Variants in SYCP1 observed in about 807,000 individuals in gnomAD.
SYCP1 encodes cancer/testis antigen 8.
In SYCP1, 64 loss-of-function variants were observed where a neutral mutation model predicts 153.1. The observed-to-expected ratio is 0.42, with a 90% CI of 0.34 to 0.51. The LOEUF is 0.51. SYCP1 is among the 20% of genes least tolerant of loss of function. The pLI is 0.06. For synonymous variants in SYCP1, 384 were observed against 341.8 expected, an observed-to-expected ratio of 1.12 and a Z score of -1.36; for missense variants, 997 against 1,049.0, an observed-to-expected ratio of 0.95 and a Z score of 0.68.
intron 23 of SYCP1, among the ~76,000 whole-genome samples, chr1:114,932,092 T>C (rs1669670531): frequency 6.6e-6 from 1 of 152,188 alleles, no homozygotes; most frequent in South Asian, 2.1e-4. Flanking sequence ...CATACAATCT[T>C]GAACTCTGAA....
intron 14 of SYCP1, among the ~76,000 whole-genome samples, chr1:114,886,562 A>T (rs1230253236): frequency 1.3e-5 from 2 of 152,116 alleles, no homozygotes; most frequent in African/African-American, 4.8e-5. Flanking sequence ...ATTTAGTTAT[A>T]TACATAAACT....
intron 30 of SYCP1, among the ~76,000 whole-genome samples, 169 bp from the exon 31 acceptor site, chr1:114,994,529 T>C (rs1433786087): frequency 6.6e-6 from 1 of 151,472 alleles, no homozygotes. Context: ...GTCTTCTTTC[T>C]TCTCTCTATA....
chr1:114,865,173 T>C (rs1320892225), intron 8 of SYCP1, among the ~76,000 whole-genome samples: 3 of 152,156 alleles, frequency 2.0e-5, no homozygotes, highest in Admixed American at 6.5e-5. Flanking sequence ...TAAACATAGT[T>C]GTATCCAATA....
At chr1:114,876,873 T>C in intron 11 of SYCP1, 63 bp downstream of exon 11, 1 of 944,308 alleles carries the variant, frequency 1.1e-6, no homozygotes, top group Non-Finnish European at 1.4e-6. Context: ...AACTTAAAAT[T>C]TCAAAAGAAG....
Position 114,923,496 on chromosome 1 carries a change from A to G in SYCP1, c.1766A>G (p.Glu589Gly). The change falls in exon 21 of 32, where the codon GAA (glutamate) becomes GGA (glycine). Residue 589 changes from glutamate to glycine, a missense_variant. By Grantham distance (98) the Glu-to-Gly change is moderately conservative. Transcript: ENST00000369522. ...VREELKQKRD[E>G]VKCKLDKSEE... Reference sequence around the variant, plus strand: ...GAAGAGCTAAAACAGAAAAGAGATGAAGTTAAATGTAAATTGGACAAGAGT... The same window carrying G: ...GAAGAGCTAAAACAGAAAAGAGATGGAGTTAAATGTAAATTGGACAAGAGT... 6 of 1,592,534 alleles carry G rather than the reference A, an allele frequency of 3.8e-6. No individual in the cohort carries two copies. The highest frequency in any genetic ancestry group is 5.1e-6 in the Non-Finnish European group (6 of 1,166,542).
At chr1:114,896,985 A>G (rs939621791) in intron 16 of SYCP1, among the ~76,000 whole-genome samples, 2 of 152,182 alleles carry the variant, frequency 1.3e-5, no homozygotes, top group Non-Finnish European at 2.9e-5. Context: ...CAGTTACCAC[A>G]CAGGAATAGG....
intron 15 of SYCP1, among the ~76,000 whole-genome samples, chr1:114,893,287 C>T (rs888508863): frequency 1.3e-5 from 2 of 152,060 alleles, no homozygotes; most frequent in Non-Finnish European, 2.9e-5. Context: ...CTATCTTTAT[C>T]TGTATCTCCA....
At chr1:114,990,079 G>A (rs1464320539) in intron 30 of SYCP1, among the ~76,000 whole-genome samples, 3 of 151,850 alleles carry the variant, frequency 2.0e-5, no homozygotes, top group Admixed American at 1.3e-4. Flanking sequence ...ACATTCCCCA[G>A]GATAGATCAT....
chr1:114,986,106 G>A (rs1346403381), intron 30 of SYCP1, among the ~76,000 whole-genome samples: 1 of 151,868 alleles, frequency 6.6e-6, no homozygotes, highest in Admixed American at 6.6e-5. Flanking sequence ...ACAGATTTTG[G>A]CATGCATGGA....
chr1:114,944,174 A>G (rs1229402974), intron 23 of SYCP1, among the ~76,000 whole-genome samples, 165 bp from the exon 24 acceptor site: 1 of 151,846 alleles, frequency 6.6e-6, no homozygotes, highest in East Asian at 1.9e-4. Flanking sequence ...GATTTTTTGA[A>G]AACAAAACAC....
chr1:114,966,967 G>A (rs1672169245), intron 27 of SYCP1, among the ~76,000 whole-genome samples: 1 of 152,122 alleles, frequency 6.6e-6, no homozygotes, highest in African/African-American at 2.4e-5. Context: ...TTACAGGCGT[G>A]AGCCACTGCA....
At chr1:114,937,136 T>G (rs1380606985) in intron 23 of SYCP1, among the ~76,000 whole-genome samples, 1 of 152,188 alleles carries the variant, frequency 6.6e-6, no homozygotes. Context: ...GCTACCTGAC[T>G]TCAAACTATA....
chr1:114,872,822 T>A (rs1254765526), intron 8 of SYCP1, among the ~76,000 whole-genome samples: 1 of 152,124 alleles, frequency 6.6e-6, no homozygotes, highest in African/African-American at 2.4e-5. Flanking sequence ...CCTCATTTCT[T>A]CGTTTTATTT....
chr1:114,988,265 T>A (rs548647115), intron 30 of SYCP1, among the ~76,000 whole-genome samples: 1 of 151,642 alleles, frequency 6.6e-6, no homozygotes, highest in South Asian at 2.1e-4. Flanking sequence ...AAGAGTTATA[T>A]GAAGAAATAA....
At chr1:114,983,375 C>T (rs1673289582) in intron 29 of SYCP1, among the ~76,000 whole-genome samples, 3 of 151,900 alleles carry the variant, frequency 2.0e-5, no homozygotes, top group Admixed American at 6.6e-5. Context: ...AAAGTTAAAA[C>T]GTTTGTTGTT....
intron 23 of SYCP1, among the ~76,000 whole-genome samples, chr1:114,935,050 A>G (rs956094354): frequency 6.6e-6 from 1 of 152,214 alleles, no homozygotes; most frequent in Non-Finnish European, 1.5e-5. Context: ...CTCTGCACCA[A>G]GCCGACCTAA....
intron 20 of SYCP1, among the ~76,000 whole-genome samples, chr1:114,916,913 A>T (rs900781210): frequency 6.6e-6 from 1 of 152,072 alleles, no homozygotes; most frequent in African/African-American, 2.4e-5. Flanking sequence ...TATATAAGAC[A>T]TTTTGATACA....
At chr1:114,983,610 A>G (rs1292248103) in intron 29 of SYCP1, among the ~76,000 whole-genome samples, 2 of 151,990 alleles carry the variant, frequency 1.3e-5, no homozygotes, top group Non-Finnish European at 2.9e-5. Flanking sequence ...CTGCCCCAGG[A>G]ACGTGGGCTG....
At chr1:114,917,615 C>T (rs1262679016) in intron 20 of SYCP1, among the ~76,000 whole-genome samples, 2 of 152,108 alleles carry the variant, frequency 1.3e-5, no homozygotes, top group African/African-American at 4.8e-5. Flanking sequence ...ATGAGGGTTT[C>T]CTTTTTCTCT....
Sources: gnomAD v4.1 joint callset for allele counts (sites outside exome capture counted in the v4.1 genomes callset) on GRCh38, gnomAD v4.1.1 for gene constraint, MANE v1.5 for transcripts, NCBI Gene and HGNC (gene_info 2026-07-23, HGNC 2026-07-21) for gene names.